PCDHA4: variants seen among roughly 807,000 people sequenced by gnomAD.
PCDHA4 encodes the protein protocadherin alpha 4.
A neutral mutation model predicts 61.4 loss-of-function variants in PCDHA4; 49 were observed. The ratio of observed to expected loss-of-function variants is 0.80; its 90% CI spans 0.63 to 1.01. The LOEUF is 1.01. PCDHA4 is among the 50% of genes least tolerant of loss of function. The pLI, the probability that PCDHA4 is intolerant of heterozygous loss-of-function variation, is 0.00. For synonymous variants in PCDHA4, 590 were observed against 550.3 expected (o/e 1.07, Z -1.01); for missense variants, 1,254 against 1,235.8 (o/e 1.01, Z -0.22).
chr5:140,946,611 AATAT>A (rs1554217734), intron 1 of PCDHA4, among the ~76,000 whole-genome samples: 10 of 86,794 alleles, frequency 1.2e-4, no homozygotes, highest in Admixed American at 4.7e-4. Flanking sequence ...GAAAATGTGA[AATAT>A]ATATATATAT....
intron 1 of PCDHA4, among the ~76,000 whole-genome samples, chr5:140,977,958 C>T (rs1912706): frequency 0.036 from 5,518 of 152,194 alleles, 299 homozygotes; most frequent in African/African-American, 0.12. Context: ...AGGGCCACCT[C>T]AATCTCCGCC....
chr5:140,942,769 T>A (rs1554215212), intron 1 of PCDHA4, among the ~76,000 whole-genome samples: 1 of 152,202 alleles, frequency 6.6e-6, no homozygotes, highest in Non-Finnish European at 1.5e-5. Flanking sequence ...GCATAATGTA[T>A]TTTTAGGCAG....
chr5:140,928,942 T>C lies in PCDHA4; in HGVS notation c.2386-50007T>C. The stretch of plus-strand genomic sequence containing the variant: ...GCAGCTTTCTGCCCAGAACTTGTAT[T>C]TAGTAATTGCCTTGGCTTGTATTTC... On this transcript the variant is annotated intron_variant, in intron 1 of 3. Transcript: ENST00000530339. 4 of 1,614,060 alleles carry C rather than the reference T, an allele frequency of 2.5e-6. No individual in the cohort carries two copies. The South Asian group carries it at 4.4e-5, about 18-fold the overall frequency.
At position 140,852,582 on chromosome 5, in the gene PCDHA4, A is replaced by ATTT. The variant is rs527656692; in HGVS notation, c.2385+43020_2385+43022dup. The ATTT allele has an allele frequency of 5.4e-4, 378 of 693,802 alleles. 2 individuals carry two copies. The highest frequency in any genetic ancestry group is 7.4e-4 in the Middle Eastern group (1 of 1,344). The allele number at this position is 693,802 out of a possible 1,614,324, so 43.0% of individuals were successfully genotyped here. On this transcript the variant is annotated intron_variant, in intron 1 of 3. Coordinates refer to ENST00000530339, the MANE Select transcript of PCDHA4 (RefSeq NM_018907.4). ...TGAGCCACTGTGCCAAGGCTTTTTTATTTTTTTTTTTTGTCATTTTCTTTC... is the reference window on the plus strand; with the variant it reads ...TGAGCCACTGTGCCAAGGCTTTTTTATTTTTTTTTTTTTTTGTCATTTTCTTTC...
chr5:140,932,346 A>C (rs529573484), intron 1 of PCDHA4, among the ~76,000 whole-genome samples: 1 of 151,954 alleles, frequency 6.6e-6, no homozygotes, highest in African/African-American at 2.4e-5. Context: ...AACACTTACC[A>C]TACAACTGGC....
At chr5:140,822,639 A>G (rs1554128778) in intron 1 of PCDHA4, 3 of 1,610,754 alleles carry the variant, frequency 1.9e-6, no homozygotes, top group Admixed American at 1.7e-5. Flanking sequence ...TTGACGATGT[A>G]AAGTCCAAAT....
In PCDHA4 at chr5:140,957,188, C is replaced by T. The variant is rs374236292; in HGVS notation, c.2386-21761C>T. On this transcript the variant is annotated intron_variant, in intron 1 of 3. Transcript: ENST00000530339. ...GTATATAAATTGGTTTATTGATGAC[C>T]GATTGGGAATATAAATAGGCACAAA... is the stretch of plus-strand genomic sequence containing the variant. 2.1e-3 allele frequency among the ~76,000 whole-genome samples: 315 copies of T among 151,992 alleles called. 3 individuals carry two copies. The highest frequency in any genetic ancestry group is 7.3e-3 in the African/African-American group (304 of 41,464).
Position 140,822,110 on chromosome 5 carries a change from C to G in PCDHA4, c.2385+12538C>G. On this transcript the variant is annotated intron_variant, in intron 1 of 3. Coordinates refer to ENST00000530339, the MANE Select transcript of PCDHA4 (RefSeq NM_018907.4). Reference sequence around the variant, plus strand: ...CACCTGGAGGTGATCGTGGACAGGCCGCTGCAGGTTTTCCATGTGGAGGTG... The same window carrying G: ...CACCTGGAGGTGATCGTGGACAGGCGGCTGCAGGTTTTCCATGTGGAGGTG... The G allele has an allele frequency of 6.2e-7, 1 of 1,614,208 alleles. No individual in the cohort carries two copies. The highest frequency in any genetic ancestry group is 8.5e-7 in the Non-Finnish European group (1 of 1,180,052).
At chr5:140,822,177 A>G (rs2150114373) in intron 1 of PCDHA4, 1 of 1,614,280 alleles carries the variant, frequency 6.2e-7, no homozygotes, top group East Asian at 2.2e-5. Flanking sequence ...GGTTCTCCAG[A>G]CAAGAACAAA....
Position 141,012,278 on chromosome 5 carries a change from G to T in PCDHA4, c.*2341G>T, listed in dbSNP as rs545417237. ...CTGTAAGGATAAAACACGTCATGTG[G>T]ATTCATTTTGAATTGGTGCTATTGG... On this transcript the variant is annotated 3_prime_UTR_variant, in exon 4 of 4. Coordinates refer to ENST00000530339, the MANE Select transcript of PCDHA4 (RefSeq NM_018907.4). The T allele has an allele frequency of 6.5e-6, 1 of 153,848 alleles. No individual in the cohort carries two copies. The highest frequency in any genetic ancestry group is 2.1e-4 in the South Asian group (1 of 4,826). The allele number at this position is 153,848 out of a possible 1,614,324, so 9.5% of individuals were successfully genotyped here.
chr5:140,836,633 C>A (rs2150266268), intron 1 of PCDHA4: 8 of 1,613,432 alleles, frequency 5.0e-6, no homozygotes, highest in Non-Finnish European at 5.9e-6. Flanking sequence ...GCTGGTCATT[C>A]TCCCAGCAGA....
At position 140,858,007 on chromosome 5, in the gene PCDHA4, T is replaced by A. The variant is rs1383838363; in HGVS notation, c.2385+48435T>A. The stretch of plus-strand genomic sequence containing the variant: ...GCCTACTGGTGCTGGTGAAGGACCA[T>A]GGCGAGCCGTCGCTGACGGCCACGG... On this transcript the variant is annotated intron_variant, in intron 1 of 3. Coordinates refer to ENST00000530339, the MANE Select transcript of PCDHA4 (RefSeq NM_018907.4). The A allele has an allele frequency of 8.8e-6, 14 of 1,596,616 alleles. 1 individual carries two copies. Among genetic ancestry groups the A allele is most frequent in the Non-Finnish European group, 1.1e-5 (13 of 1,167,062 alleles).
At chr5:140,962,076 G>A (rs2095654806) in intron 1 of PCDHA4, among the ~76,000 whole-genome samples, 1 of 151,758 alleles carries the variant, frequency 6.6e-6, no homozygotes. Flanking sequence ...TAGTAGAGAC[G>A]GGGTTTCACC....
At chr5:140,967,207 T>G (rs376266648) in intron 1 of PCDHA4, 16 of 1,613,648 alleles carry the variant, frequency 9.9e-6, no homozygotes, top group Non-Finnish European at 1.1e-5. Flanking sequence ...ACTCACCGCG[T>G]TTCCCGCGGC....
intron 1 of PCDHA4, among the ~76,000 whole-genome samples, chr5:140,878,995 A>G (rs2057802646): frequency 6.6e-6 from 1 of 152,246 alleles, no homozygotes; most frequent in South Asian, 2.1e-4. Context: ...AAATGAGAGT[A>G]TGCCCTAGAA....
At chr5:140,991,792 T>A (rs541458701) in intron 3 of PCDHA4, among the ~76,000 whole-genome samples, 4 of 152,282 alleles carry the variant, frequency 2.6e-5, no homozygotes, top group Non-Finnish European at 5.9e-5. Context: ...CATTTCCCAA[T>A]CTCAAGGCCA....
At chr5:140,835,666 G>A in intron 1 of PCDHA4, 3 of 1,613,936 alleles carry the variant, frequency 1.9e-6, no homozygotes, top group Middle Eastern at 3.3e-4. Flanking sequence ...GTTACCGCGC[G>A]GGACGGGGGC....
chr5:140,904,911 G>A (rs2153487307), intron 1 of PCDHA4, among the ~76,000 whole-genome samples: 1 of 152,172 alleles, frequency 6.6e-6, no homozygotes, highest in African/African-American at 2.4e-5. Flanking sequence ...TTACTGATTT[G>A]TTTGACTTCC....
At position 140,809,445 on chromosome 5, in the gene PCDHA4, A is replaced by G. The variant is rs782301046; in HGVS notation, c.2258A>G (p.Gln753Arg). 8 of 1,614,234 alleles carry G rather than the reference A, an allele frequency of 5.0e-6. No homozygotes were observed. Among genetic ancestry groups the G allele is most frequent in the Non-Finnish European group, 6.8e-6 (8 of 1,180,028 alleles). Residue 753 changes from glutamine to arginine, a missense_variant, in exon 1 of 4, where the codon CAG (glutamine) becomes CGG (arginine). Coordinates refer to ENST00000530339, the MANE Select transcript of PCDHA4 (RefSeq NM_018907.4). The stretch of plus-strand genomic sequence containing the variant: ...GTGGGGAGCTGGTCATACTCGCAGC[A>G]GAGGAGGCCGAGGGTGTGCTCTGGT... ...SAVGSWSYSQ[Q>R]RRPRVCSGEG... is the part of the protein sequence containing the mutation.
Sources: allele counts gnomAD v4.1 joint callset (sites outside exome capture counted in the v4.1 genomes callset), GRCh38; gene constraint gnomAD v4.1.1; transcripts MANE v1.5; gene names NCBI Gene and HGNC (gene_info 2026-07-23, HGNC 2026-07-21).